The following LRFN5 variants were observed in gnomAD, a reference collection of about 807,000 sequenced individuals.
The protein encoded by LRFN5 is leucine rich repeat and fibronectin type III domain containing 5.
A neutral mutation model predicts 45.6 loss-of-function variants in LRFN5; 24 were observed. That is an observed-to-expected ratio of 0.53 (90% confidence interval 0.38 to 0.74). The LOEUF (loss-of-function observed/expected upper bound fraction) is 0.74. LRFN5 is among the 30% of genes least tolerant of loss of function. The pLI is 0.00. For synonymous variants in LRFN5, 340 were observed against 313.8 expected, an observed-to-expected ratio of 1.08 and a Z score of -0.88; for missense variants, 776 against 861.5, an observed-to-expected ratio of 0.90 and a Z score of 1.24.
chr14:41,817,469 G>A (rs191850263), intron 2 of LRFN5, among the ~76,000 whole-genome samples: 4 of 152,126 alleles, frequency 2.6e-5, no homozygotes, highest in East Asian at 3.9e-4. Context: ...TGTATTTTAC[G>A]AGCTTGTACC....
intron 2 of LRFN5, among the ~76,000 whole-genome samples, chr14:41,803,592 C>T (rs1887415984): frequency 6.6e-6 from 1 of 151,938 alleles, no homozygotes; most frequent in African/African-American, 2.4e-5. Context: ...AGCAATTTTC[C>T]TGCCTGGGTC....
intron 2 of LRFN5, among the ~76,000 whole-genome samples, chr14:41,866,730 G>A (rs1157519169): frequency 6.6e-6 from 1 of 152,008 alleles, no homozygotes; most frequent in Non-Finnish European, 1.5e-5. Context: ...CTCCTTTATA[G>A]AGAAAAATCA....
At chr14:41,771,207 C>T (rs1886074556) in intron 2 of LRFN5, among the ~76,000 whole-genome samples, 1 of 150,314 alleles carries the variant, frequency 6.7e-6, no homozygotes, top group South Asian at 2.1e-4. Flanking sequence ...GGCCCTGGAT[C>T]TCCTCGCCCA....
intron 1 of LRFN5, among the ~76,000 whole-genome samples, chr14:41,684,568 T>G (rs1882040782): frequency 6.6e-6 from 1 of 152,104 alleles, no homozygotes; most frequent in African/African-American, 2.4e-5. Flanking sequence ...GGTCTCTCCT[T>G]TAACATGTGG....
At chr14:41,661,961 G>T (rs1880676825) in intron 1 of LRFN5, among the ~76,000 whole-genome samples, 1 of 152,052 alleles carries the variant, frequency 6.6e-6, no homozygotes, top group Non-Finnish European at 1.5e-5. Context: ...TGTACTACTT[G>T]TTTCAGCAGA....
At chr14:41,863,837 C>G (rs1047602052) in intron 2 of LRFN5, among the ~76,000 whole-genome samples, 1 of 152,032 alleles carries the variant, frequency 6.6e-6, no homozygotes. Context: ...TCCCCTAGCC[C>G]CCAACCCCCA....
rs576431037 is a variant in LRFN5, at chr14:41,797,985, T to A, written c.-21+30956T>A. 1.7e-4 allele frequency among the ~76,000 whole-genome samples: 26 copies of A among 152,050 alleles called. No homozygotes were observed. In the South Asian group the frequency reaches 5.0e-3, roughly 29 times the overall value. On this transcript the variant is annotated intron_variant, in intron 2 of 5. Coordinates refer to ENST00000298119, the MANE Select transcript of LRFN5 (RefSeq NM_152447.5). ...TTTTTCATATCTTTATTATTGATTATTAAAATAGTACCAAAATACAAGTGC... is the reference window on the plus strand; with the variant it reads ...TTTTTCATATCTTTATTATTGATTAATAAAATAGTACCAAAATACAAGTGC...
At chr14:41,723,214 A>G (rs148933605) in intron 1 of LRFN5, among the ~76,000 whole-genome samples, 2 of 152,142 alleles carry the variant, frequency 1.3e-5, no homozygotes, top group Non-Finnish European at 2.9e-5. Flanking sequence ...GTGGATGTGA[A>G]TTGGAGAGGG....
intron 4 of LRFN5, chr14:41,892,638 A>G: frequency 1.0e-6 from 1 of 983,540 alleles, no homozygotes; most frequent in Non-Finnish European, 1.2e-6. Flanking sequence ...AAATTATTTA[A>G]AATACAATAT....
At chr14:41,741,870 T>G (rs1884710119) in intron 1 of LRFN5, among the ~76,000 whole-genome samples, 1 of 149,900 alleles carries the variant, frequency 6.7e-6, no homozygotes, top group Non-Finnish European at 1.5e-5. Context: ...TGAACAGATA[T>G]TTCTCCAAAG....
At chr14:41,838,918 G>A (rs764790593) in intron 2 of LRFN5, among the ~76,000 whole-genome samples, 11 of 152,114 alleles carry the variant, frequency 7.2e-5, no homozygotes, top group Non-Finnish European at 1.2e-4. Context: ...TTAAAGGAAA[G>A]CAATTTTAAA....
At chr14:41,650,236 TACACAC>T (rs1555351105) in intron 1 of LRFN5, among the ~76,000 whole-genome samples, 3 of 128,166 alleles carry the variant, frequency 2.3e-5, no homozygotes, top group African/African-American at 9.1e-5. Flanking sequence ...TCTACAAAAA[TACACAC>T]ACACACACAC....
intron 1 of LRFN5, among the ~76,000 whole-genome samples, chr14:41,651,146 C>G (rs939495898): frequency 1.3e-4 from 20 of 152,126 alleles, no homozygotes; most frequent in African/African-American, 4.1e-4. Flanking sequence ...TGTGCTCAAG[C>G]TCATGGCAAG....
chr14:41,619,319 A>G (rs1274912964), intron 1 of LRFN5, among the ~76,000 whole-genome samples: 2 of 152,100 alleles, frequency 1.3e-5, no homozygotes, highest in African/African-American at 4.8e-5. Context: ...ACATACTATT[A>G]CAGGTATAAT....
chr14:41,891,251 A>T lies in LRFN5; in HGVS notation c.1387A>T (p.Met463Leu). Residue 463 changes from methionine (M) to leucine (L), a missense_variant and splice_region_variant, in exon 4 of 6, where the codon ATG (methionine) becomes TTG (leucine). Coordinates refer to ENST00000298119, the MANE Select transcript of LRFN5 (RefSeq NM_152447.5). Reference protein sequence around the residue: ...GTYDDTLVYRMIPPTSKTFLV... With the variant: ...GTYDDTLVYRLIPPTSKTFLV... ...AACACAAATTCCATTGTCCCTCAGA[A>T]TGATACCTCCTACGAGCAAAACTTT... is the stretch of plus-strand genomic sequence containing the variant. 1 of 1,612,156 alleles carries T rather than the reference A, an allele frequency of 6.2e-7. No individual in the cohort carries two copies. Among genetic ancestry groups the T allele is most frequent in the Non-Finnish European group, 8.5e-7 (1 of 1,179,628 alleles).
At chr14:41,656,218 A>G (rs960778219) in intron 1 of LRFN5, among the ~76,000 whole-genome samples, 1 of 151,952 alleles carries the variant, frequency 6.6e-6, no homozygotes. Context: ...TTACCTCCCA[A>G]GGCTATTATG....
At chr14:41,620,136 A>G (rs564134970) in intron 1 of LRFN5, among the ~76,000 whole-genome samples, 1 of 152,190 alleles carries the variant, frequency 6.6e-6, no homozygotes, top group South Asian at 2.1e-4. Flanking sequence ...GAGACACAGG[A>G]CCAAAGGGAT....
chr14:41,794,506 G>C (rs1392229527), intron 2 of LRFN5, among the ~76,000 whole-genome samples: 1 of 151,940 alleles, frequency 6.6e-6, no homozygotes, highest in African/African-American at 2.4e-5. Flanking sequence ...AAACTTCATT[G>C]TAAGAGTTGC....
chr14:41,703,830 T>C (rs1882937186), intron 1 of LRFN5, among the ~76,000 whole-genome samples: 2 of 152,108 alleles, frequency 1.3e-5, no homozygotes, highest in African/African-American at 4.8e-5. Flanking sequence ...TATCACACCT[T>C]GATAGTGTAG....
Sources: gnomAD v4.1 joint callset for allele counts (sites outside exome capture counted in the v4.1 genomes callset) on GRCh38, gnomAD v4.1.1 for gene constraint, MANE v1.5 for transcripts, NCBI Gene and HGNC (gene_info 2026-07-23, HGNC 2026-07-21) for gene names.